The following MTMR7 variants were observed in gnomAD, a reference collection of about 807,000 sequenced individuals.
The protein encoded by MTMR7 is phosphatidylinositol-3-phosphate phosphatase MTMR7.
In MTMR7, 76 loss-of-function variants were observed where a neutral mutation model predicts 81.2. The observed-to-expected ratio is 0.94, with a 90% CI of 0.78 to 1.13. MTMR7 has a LOEUF of 1.13. Ranked by LOEUF, MTMR7 falls within the 50% of genes most tolerant of loss-of-function variation. The pLI is 0.00. For synonymous variants in MTMR7, 372 were observed against 289.8 expected, an observed-to-expected ratio of 1.28 and a Z score of -2.88; for missense variants, 1,044 against 820.0, an observed-to-expected ratio of 1.27 and a Z score of -3.34.
At chr8:17,403,099 A>AT (rs916963248) in intron 1 of MTMR7, among the ~76,000 whole-genome samples, 11 of 151,830 alleles carry the variant, frequency 7.2e-5, no homozygotes, top group Non-Finnish European at 1.5e-4. Flanking sequence ...AGATTATTAG[A>AT]TTTTTTTTCC....
chr8:17,319,539 C>A (rs1245675323), intron 7 of MTMR7, among the ~76,000 whole-genome samples: 1 of 152,180 alleles, frequency 6.6e-6, no homozygotes, highest in African/African-American at 2.4e-5. Flanking sequence ...TCATGGCTAC[C>A]TTGGTGGGTT....
chr8:17,378,525 T>C (rs1350512281), intron 1 of MTMR7, among the ~76,000 whole-genome samples: 1 of 152,196 alleles, frequency 6.6e-6, no homozygotes, highest in Non-Finnish European at 1.5e-5. Flanking sequence ...TACAAAGTAA[T>C]AAGGCCAGTT....
chr8:17,354,453 G>T (rs1819825219), intron 4 of MTMR7, among the ~76,000 whole-genome samples: 2 of 152,090 alleles, frequency 1.3e-5, no homozygotes, highest in Admixed American at 6.5e-5. Context: ...GGTAAAAAAA[G>T]AAATCTGAGC....
intron 1 of MTMR7, among the ~76,000 whole-genome samples, chr8:17,412,099 T>C (rs1821751145): frequency 6.6e-6 from 1 of 152,230 alleles, no homozygotes. Flanking sequence ...AATTCCCTAG[T>C]GCAAAATCAA....
intron 3 of MTMR7, among the ~76,000 whole-genome samples, chr8:17,364,625 A>G (rs7817777): frequency 0.11 from 16,974 of 151,876 alleles, 1,323 homozygotes; most frequent in East Asian, 0.32. Context: ...CTCTGCTTCT[A>G]TGAGTTTAAC....
chr8:17,357,598 G>C (rs1261950209), intron 4 of MTMR7, among the ~76,000 whole-genome samples: 1 of 152,146 alleles, frequency 6.6e-6, no homozygotes, highest in Non-Finnish European at 1.5e-5. Flanking sequence ...GCAAAATGAT[G>C]TTATTTGAGA....
At chr8:17,379,241 GA>G (rs1176911094) in intron 1 of MTMR7, among the ~76,000 whole-genome samples, 1 of 152,170 alleles carries the variant, frequency 6.6e-6, no homozygotes, top group African/African-American at 2.4e-5. Context: ...CATAACCCAT[GA>G]AAGAGCAGCT....
chr8:17,352,084 A>G (rs75784010), intron 4 of MTMR7, among the ~76,000 whole-genome samples: 1,745 of 152,338 alleles, frequency 0.011, 43 homozygotes, highest in African/African-American at 0.039. Flanking sequence ...GCAGAAGTAG[A>G]AAAATTCATC....
At chr8:17,306,004 A>C in intron 10 of MTMR7, 47 bp from the exon 11 acceptor site, 2 of 1,498,884 alleles carry the variant, frequency 1.3e-6, no homozygotes, top group Non-Finnish European at 1.8e-6. Flanking sequence ...TTTATTTTTA[A>C]AGTACAAAGC....
intron 4 of MTMR7, among the ~76,000 whole-genome samples, chr8:17,356,834 T>A (rs1364509314): frequency 6.6e-6 from 1 of 152,138 alleles, no homozygotes; most frequent in Non-Finnish European, 1.5e-5. Flanking sequence ...GAATATCACA[T>A]CAATACCAAC....
chr8:17,385,552 C>A lies in MTMR7; in HGVS notation c.25-12312G>T, dbSNP rs142556018. ...TCGTCTTCCGCCACGATTGTGAGGC[C>A]TTCCCAGCCATGTAGAACTGTGAGT... On this transcript the variant is annotated intron_variant, in intron 1 of 13. Transcript: ENST00000180173. 2.4e-4 allele frequency among the ~76,000 whole-genome samples: 37 copies of A among 152,294 alleles called. 1 individual carries two copies. The East Asian group carries it at 6.4e-3, about 26-fold the overall frequency.
At chr8:17,376,589 T>C (rs1363669218) in intron 1 of MTMR7, among the ~76,000 whole-genome samples, 2 of 152,172 alleles carry the variant, frequency 1.3e-5, no homozygotes, top group Non-Finnish European at 2.9e-5. Context: ...TCCACATCCT[T>C]GATAACACTT....
chr8:17,325,088 T>C (rs545847808), intron 7 of MTMR7, among the ~76,000 whole-genome samples: 1,771 of 152,150 alleles, frequency 0.012, 16 homozygotes, highest in Non-Finnish European at 0.021. Context: ...AGACATGAGG[T>C]ACGGAAGAAT....
At chr8:17,319,803 C>G (rs1258453141) in intron 7 of MTMR7, among the ~76,000 whole-genome samples, 1 of 152,150 alleles carries the variant, frequency 6.6e-6, no homozygotes, top group African/African-American at 2.4e-5. Flanking sequence ...TGCCTCTCAA[C>G]CTCAGGTTGG....
At chr8:17,316,437 C>CAGTTGA (rs1461997942) in intron 7 of MTMR7, among the ~76,000 whole-genome samples, 37 of 150,116 alleles carry the variant, frequency 2.5e-4, no homozygotes, top group African/African-American at 9.1e-4. Flanking sequence ...GTTGTTCCCT[C>CAGTTGA]CTTTTCAATA....
intron 6 of MTMR7, among the ~76,000 whole-genome samples, chr8:17,337,025 CAAA>C (rs1232007988): frequency 1.3e-5 from 2 of 152,014 alleles, no homozygotes; most frequent in Non-Finnish European, 2.9e-5. Flanking sequence ...TGAAAAGAAA[CAAA>C]ACAAAACAAA....
At chr8:17,324,598 G>C (rs1040483314) in intron 7 of MTMR7, among the ~76,000 whole-genome samples, 2 of 152,208 alleles carry the variant, frequency 1.3e-5, no homozygotes, top group Non-Finnish European at 2.9e-5. Context: ...AGAGGCAAAA[G>C]CACACATACT....
chr8:17,333,052 A>C (rs930201381), intron 6 of MTMR7, among the ~76,000 whole-genome samples: 1 of 152,122 alleles, frequency 6.6e-6, no homozygotes, highest in Non-Finnish European at 1.5e-5. Context: ...ACAGCAGAGG[A>C]TAAGCCATTG....
chr8:17,348,265 C>G (rs1011546693), intron 5 of MTMR7, among the ~76,000 whole-genome samples: 3 of 152,092 alleles, frequency 2.0e-5, no homozygotes, highest in African/African-American at 7.2e-5. Flanking sequence ...AGGCCGGGCA[C>G]AGTGGCTCAC....
Sources: gnomAD v4.1 joint callset for allele counts (sites outside exome capture counted in the v4.1 genomes callset) on GRCh38, gnomAD v4.1.1 for gene constraint, MANE v1.5 for transcripts, NCBI Gene and HGNC (gene_info 2026-07-23, HGNC 2026-07-21) for gene names.